STARD9: variants seen among roughly 807,000 people sequenced by gnomAD.
The protein encoded by STARD9 is stAR-related lipid transfer protein 9.
STARD9 carries 346 observed loss-of-function variants against 399.8 expected under a neutral mutation model. That is an observed-to-expected ratio of 0.87 (90% confidence interval 0.79 to 0.95). The LOEUF is 0.95. STARD9 is among the 40% of genes least tolerant of loss of function. The pLI is 0.00. For synonymous variants in STARD9, 2,203 were observed against 2,143.5 expected, an observed-to-expected ratio of 1.03 and a Z score of -0.77; for missense variants, 5,832 against 5,667.5, an observed-to-expected ratio of 1.03 and a Z score of -0.93.
intron 4 of STARD9, 119 bp downstream of exon 4, chr15:42,635,091 T>C: frequency 3.7e-6 from 2 of 537,168 alleles, no homozygotes; most frequent in Non-Finnish European, 3.2e-6. Context: ...GAAGATTGAA[T>C]GAGCCTTCTT....
chr15:42,678,909 G>A (rs995800828), intron 20 of STARD9, among the ~76,000 whole-genome samples: 1 of 152,182 alleles, frequency 6.6e-6, no homozygotes, highest in African/African-American at 2.4e-5. Flanking sequence ...CATTCTGTGC[G>A]GCCTCTTGGG....
intron 9 of STARD9, among the ~76,000 whole-genome samples, chr15:42,655,470 A>G (rs970171267): frequency 3.3e-5 from 5 of 152,260 alleles, no homozygotes; most frequent in Admixed American, 3.3e-4. Context: ...AAAGCAAACA[A>G]AAACGTAAAG....
Position 42,663,962 on chromosome 15 carries a change from G to A in STARD9, c.1176+45G>A, listed in dbSNP as rs754970677. On this transcript the variant is annotated intron_variant, in intron 13 of 32. Coordinates refer to ENST00000290607, the MANE Select transcript of STARD9 (RefSeq NM_020759.3). ...CCTGGTCTGGTATAGTTTACACAAAGCTTTCCTTATTTTTTTTTCTCTCGT... is the reference window on the plus strand; with the variant it reads ...CCTGGTCTGGTATAGTTTACACAAAACTTTCCTTATTTTTTTTTCTCTCGT... 4.9e-5 allele frequency: 64 copies of A among 1,299,890 alleles called. No individual in the cohort carries two copies. In the Middle Eastern group the frequency reaches 7.3e-4, roughly 15 times the overall value. The allele number at this position is 1,299,890 out of a possible 1,614,324, so 80.5% of individuals were successfully genotyped here.
At chr15:42,585,414 C>T (rs1287522685) in intron 2 of STARD9, 107 bp from the exon 3 acceptor site, 1 of 636,982 alleles carries the variant, frequency 1.6e-6, no homozygotes, top group Admixed American at 2.8e-5. Context: ...TAAACAGTCT[C>T]ATGACCAGTC....
At chr15:42,581,188 A>G in intron 1 of STARD9, 1 of 771,254 alleles carries the variant, frequency 1.3e-6, no homozygotes, top group South Asian at 1.4e-5. Flanking sequence ...TGATTGTTCA[A>G]GTTGTTCAAA....
intron 3 of STARD9, among the ~76,000 whole-genome samples, chr15:42,605,996 A>G (rs2058715650): frequency 1.3e-5 from 2 of 152,208 alleles, no homozygotes; most frequent in South Asian, 4.1e-4. Flanking sequence ...ATCTGGAAAC[A>G]TTCCCATGGA....
chr15:42,645,164 A>C (rs1159206551), intron 7 of STARD9, among the ~76,000 whole-genome samples: 1 of 152,230 alleles, frequency 6.6e-6, no homozygotes, highest in African/African-American at 2.4e-5. Flanking sequence ...GAATGTCCTT[A>C]ATGCCATCTA....
intron 20 of STARD9, among the ~76,000 whole-genome samples, chr15:42,677,212 C>T (rs1195371933): frequency 1.3e-5 from 2 of 151,780 alleles, no homozygotes; most frequent in Non-Finnish European, 2.9e-5. Flanking sequence ...TGCAGTGAGC[C>T]GACATTGCGC....
intron 3 of STARD9, among the ~76,000 whole-genome samples, chr15:42,634,653 C>G (rs570115889): frequency 6.6e-6 from 1 of 152,272 alleles, no homozygotes; most frequent in South Asian, 2.1e-4. Context: ...ATACACTAGG[C>G]ACTTAAAAAA....
intron 3 of STARD9, among the ~76,000 whole-genome samples, chr15:42,631,452 C>T (rs1260935392): frequency 6.6e-6 from 1 of 151,874 alleles, no homozygotes; most frequent in South Asian, 2.1e-4. Flanking sequence ...TGGTGGTGTG[C>T]GCCGGTAGTC....
Position 42,682,370 on chromosome 15 carries a change from A to C in STARD9, c.2332A>C (p.Lys778Gln), listed in dbSNP as rs1566931069. 6.5e-7 allele frequency: 1 copy of C among 1,537,262 alleles called. No individual in the cohort carries two copies. The highest frequency in any genetic ancestry group is 2.0e-5 in the Admixed American group (1 of 51,004). Residue 778 changes from lysine to glutamine, a missense_variant, in exon 22 of 33, where the codon AAG becomes CAG. Around this residue, in one of 2 missense-constraint regions of STARD9, gnomAD observed 5,828 missense variants for 5,651.1 expected, o/e 1.03. Transcript: ENST00000290607. ...VSFQLERIIK[K>Q]QRLLEAQKRL... is the part of the protein sequence containing the mutation. Reference sequence around the variant, plus strand: ...ATTCCAGCTAGAGAGAATCATCAAAAAGCAGAGGCTGCTGGAGGCCCAGAA... The same window carrying C: ...ATTCCAGCTAGAGAGAATCATCAAACAGCAGAGGCTGCTGGAGGCCCAGAA...
chr15:42,587,997 C>T (rs980701184), intron 3 of STARD9, among the ~76,000 whole-genome samples: 2 of 152,274 alleles, frequency 1.3e-5, no homozygotes, highest in South Asian at 4.1e-4. Flanking sequence ...GATGGGACTC[C>T]TATAACAGTC....
chr15:42,693,802 G>A lies in STARD9; in HGVS notation c.12224G>A (p.Arg4075Gln), dbSNP rs750291157. The A allele has an allele frequency of 1.0e-4, 160 of 1,536,344 alleles. 1 individual carries two copies. The highest frequency in any genetic ancestry group is 4.6e-4 in the African/African-American group (34 of 73,172). Residue 4075 changes from arginine to glutamine, a missense_variant, in exon 23 of 33, where the codon CGA (arginine) becomes CAA (glutamine). By Grantham distance (43) the Arg-to-Gln change is conservative. Coordinates refer to ENST00000290607, the MANE Select transcript of STARD9 (RefSeq NM_020759.3). ...GGGGAACCACAACGCACTCTGGACCGACCTTCTTCATGGGGAGGCCTCCAG... is the reference window on the plus strand; with the variant it reads ...GGGGAACCACAACGCACTCTGGACCAACCTTCTTCATGGGGAGGCCTCCAG... ...SPGEPQRTLD[R>Q]PSSWGGLQHL...
intron 20 of STARD9, 121 bp downstream of exon 20, chr15:42,676,096 C>CT: frequency 1.3e-6 from 1 of 788,798 alleles, no homozygotes; most frequent in Admixed American, 2.3e-5. Context: ...TGAATGAGCC[C>CT]TTGTCTGAAT....
At chr15:42,652,446 A>G in intron 8 of STARD9, 74 bp from the exon 9 acceptor site, 1 of 1,245,912 alleles carries the variant, frequency 8.0e-7, no homozygotes. Context: ...CATTTCTTGT[A>G]TTCTGTATGG....
rs558923307 is a variant in STARD9, at chr15:42,646,051, C to T, written c.560-4965C>T. Among the ~76,000 whole-genome samples, 121 of 152,150 alleles carry T rather than the reference C, an allele frequency of 8.0e-4. No individual in the cohort carries two copies. In the South Asian group the frequency reaches 0.025, roughly 31 times the overall value. On this transcript the variant is annotated intron_variant, in intron 7 of 32. Transcript: ENST00000290607. ...TGGCTGGTGCCTGTAATTCCAGCTACTCGGGAGGCTAAGGCAGGAGAATCA... is the reference window on the plus strand; with the variant it reads ...TGGCTGGTGCCTGTAATTCCAGCTATTCGGGAGGCTAAGGCAGGAGAATCA...
chr15:42,719,339 G>T (rs9919994), intron 32 of STARD9, 134 bp from the exon 33 acceptor site: 157,076 of 627,216 alleles, frequency 0.25, 23,138 homozygotes, highest in African/African-American at 0.49. Context: ...GAGCCCAGGG[G>T]CCTGTAAACA....
chr15:42,688,439 G>C lies in STARD9; in HGVS notation c.6861G>C (p.Gln2287His), dbSNP rs756627062. Residue 2287 changes from glutamine to histidine, a missense_variant, in exon 23 of 33, where the codon CAG becomes CAC. This residue lies in a region of STARD9 where 5,828 missense variants were observed against 5,651.1 expected (regional missense o/e 1.03). Transcript: ENST00000290607. Reference sequence around the variant, plus strand: ...CTATGCAAAGGGGAGGCAGCCTTCAGGAAGAAAATAAAGTGACTCAGAAAT... The same window carrying C: ...CTATGCAAAGGGGAGGCAGCCTTCACGAAGAAAATAAAGTGACTCAGAAAT... ...EMPMQRGGSLQEENKVTQKFP... is the reference protein window; with the variant it reads ...EMPMQRGGSLHEENKVTQKFP... 5.9e-6 allele frequency: 9 copies of C among 1,537,746 alleles called. No homozygotes were observed. Among genetic ancestry groups the C allele is most frequent in the Non-Finnish European group, 7.0e-6 (8 of 1,147,048 alleles).
At chr15:42,585,282 A>G (rs1240188305) in intron 2 of STARD9, among the ~76,000 whole-genome samples, 1 of 152,226 alleles carries the variant, frequency 6.6e-6, no homozygotes, top group Non-Finnish European at 1.5e-5. Flanking sequence ...CACATCTCAT[A>G]TAGTTGGTTC....
Sources: gnomAD v4.1 joint callset for allele counts (sites outside exome capture counted in the v4.1 genomes callset) on GRCh38, gnomAD v4.1.1 for gene constraint, gnomAD v4.1.1 regional missense constraint, MANE v1.5 for transcripts, NCBI Gene and HGNC (gene_info 2026-07-23, HGNC 2026-07-21) for gene names.